The following ZBTB7C variants were observed in gnomAD, a reference collection of about 807,000 sequenced individuals.
The protein encoded by ZBTB7C is zinc finger and BTB domain-containing protein 7C.
Under a neutral mutation model 25.7 loss-of-function variants are expected in ZBTB7C, and 8 were observed. That is an observed-to-expected ratio of 0.31 (90% confidence interval 0.18 to 0.56). The LOEUF is 0.56. Among genes scored for constraint, ZBTB7C ranks in the 20% least tolerant of loss-of-function variants. ZBTB7C has a pLI of 0.91. For synonymous variants in ZBTB7C, 394 were observed against 369.0 expected, an observed-to-expected ratio of 1.07 and a Z score of -0.78; for missense variants, 824 against 855.2, an observed-to-expected ratio of 0.96 and a Z score of 0.46.
At chr18:48,295,069 C>T (rs2045348981) in intron 2 of ZBTB7C, among the ~76,000 whole-genome samples, 1 of 152,108 alleles carries the variant, frequency 6.6e-6, no homozygotes, top group African/African-American at 2.4e-5. Flanking sequence ...GTCAGTGCCA[C>T]TCAGGAAGCT....
chr18:48,152,604 G>C (rs1042239221), intron 3 of ZBTB7C, among the ~76,000 whole-genome samples: 1 of 152,202 alleles, frequency 6.6e-6, no homozygotes, highest in African/African-American at 2.4e-5. Context: ...GGAGATCATG[G>C]AGCTGGGAGG....
chr18:48,132,289 G>A (rs189739465), intron 3 of ZBTB7C, among the ~76,000 whole-genome samples: 1 of 152,200 alleles, frequency 6.6e-6, no homozygotes, highest in Non-Finnish European at 1.5e-5. Flanking sequence ...CGACTCAAAA[G>A]TGTTAGGTTA....
chr18:48,287,947 A>T (rs565348173), intron 2 of ZBTB7C, among the ~76,000 whole-genome samples: 1 of 152,230 alleles, frequency 6.6e-6, no homozygotes, highest in Admixed American at 6.5e-5. Flanking sequence ...TGCAGCTACT[A>T]TGAAACTTAA....
At chr18:48,064,582 A>AAT (rs777434803) in intron 3 of ZBTB7C, among the ~76,000 whole-genome samples, 1 of 152,106 alleles carries the variant, frequency 6.6e-6, no homozygotes, top group Non-Finnish European at 1.5e-5. Context: ...ATTTCTACAA[A>AAT]ATATACAAAA....
intron 1 of ZBTB7C, among the ~76,000 whole-genome samples, chr18:48,402,916 T>C (rs2048194261): frequency 6.6e-6 from 1 of 152,236 alleles, no homozygotes; most frequent in South Asian, 2.1e-4. Flanking sequence ...GCTAATAGTT[T>C]TTTAATTTCC....
chr18:48,040,114 C>T lies in ZBTB7C; in HGVS notation c.994G>A (p.Gly332Ser), dbSNP rs138978875. Residue 332 changes from glycine (G) to serine (S), a missense_variant, in exon 4 of 5, where the codon GGT becomes AGT. Gly to Ser is a moderately conservative substitution (Grantham distance 56). Transcript: ENST00000590800. ...LGPIKAENDY[G>S]AYLNFLSATH... Reference sequence around the variant, plus strand: ...GCACTCAGGAAGTTGAGATAGGCACCGTAGTCGTTCTCCGCCTTGATGGGT... The same window carrying T: ...GCACTCAGGAAGTTGAGATAGGCACTGTAGTCGTTCTCCGCCTTGATGGGT... 8.7e-6 allele frequency: 14 copies of T among 1,600,728 alleles called. No individual in the cohort carries two copies. The highest frequency in any genetic ancestry group is 2.2e-5 in the East Asian group (1 of 44,802).
chr18:48,031,850 CTT>C (rs988090227), intron 4 of ZBTB7C, among the ~76,000 whole-genome samples: 14 of 152,338 alleles, frequency 9.2e-5, no homozygotes, highest in African/African-American at 3.4e-4. Flanking sequence ...GTCAAGGCCT[CTT>C]TTCTCACCAC....
At chr18:48,407,740 A>T (rs1202698618) in intron 1 of ZBTB7C, among the ~76,000 whole-genome samples, 12 of 152,176 alleles carry the variant, frequency 7.9e-5, no homozygotes. Flanking sequence ...AGCAAAGGGC[A>T]TGCTTTTTGC....
chr18:48,403,257 C>T (rs1300786530), intron 1 of ZBTB7C, among the ~76,000 whole-genome samples: 1 of 152,202 alleles, frequency 6.6e-6, no homozygotes, highest in Non-Finnish European at 1.5e-5. Context: ...AGTCAGCTGC[C>T]AGAGCTCCCA....
At chr18:48,083,060 A>T (rs1181823148) in intron 3 of ZBTB7C, among the ~76,000 whole-genome samples, 2 of 152,178 alleles carry the variant, frequency 1.3e-5, no homozygotes, top group Admixed American at 1.3e-4. Flanking sequence ...ACCCGCTATG[A>T]CATTTTTCTT....
intron 1 of ZBTB7C, among the ~76,000 whole-genome samples, chr18:48,372,768 T>C (rs2047417323): frequency 6.6e-6 from 1 of 152,102 alleles, no homozygotes; most frequent in African/African-American, 2.4e-5. Flanking sequence ...TCAATAATCA[T>C]GATTCTACCC....
chr18:48,103,719 A>G (rs2038930469), intron 3 of ZBTB7C, among the ~76,000 whole-genome samples: 1 of 152,024 alleles, frequency 6.6e-6, no homozygotes, highest in Non-Finnish European at 1.5e-5. Context: ...TAAACAAAAT[A>G]TGGTAGATCC....
At chr18:48,070,217 T>C (rs1568193512) in intron 3 of ZBTB7C, among the ~76,000 whole-genome samples, 1 of 152,142 alleles carries the variant, frequency 6.6e-6, no homozygotes, top group Non-Finnish European at 1.5e-5. Flanking sequence ...TAGCAGCGAA[T>C]AAAAGTGTCA....
intron 2 of ZBTB7C, among the ~76,000 whole-genome samples, chr18:48,200,393 C>T (rs1201899782): frequency 1.3e-5 from 2 of 151,950 alleles, no homozygotes; most frequent in African/African-American, 4.8e-5. Flanking sequence ...CAGGGAAGGA[C>T]GAGGAGGGCA....
chr18:48,030,730 A>G (rs2035709278), intron 4 of ZBTB7C, among the ~76,000 whole-genome samples: 1 of 152,182 alleles, frequency 6.6e-6, no homozygotes, highest in African/African-American at 2.4e-5. Flanking sequence ...ACTTAACCTC[A>G]CTGCCCAGAG....
At position 48,027,080 on chromosome 18, in the gene ZBTB7C, CACAG is replaced by C. The variant is rs1388721736; in HGVS notation, c.*2176_*2179del. On this transcript the variant is annotated 3_prime_UTR_variant, in exon 5 of 5. Transcript: ENST00000590800. ...AATAGAAAAAATTCCAAAGTTCTCCCACAGACAGACAGGGAAATTGAAACATCAA... is the reference window on the plus strand; with the variant it reads ...AATAGAAAAAATTCCAAAGTTCTCCCACAGACAGGGAAATTGAAACATCAA... The C allele has an allele frequency of 4.1e-5, 6 of 146,102 alleles. No homozygotes were observed. The highest frequency in any genetic ancestry group is 6.0e-5 in the Non-Finnish European group (4 of 66,928). The allele number at this position is 146,102 out of a possible 1,614,324, so 9.1% of individuals were successfully genotyped here.
At chr18:48,094,415 T>C (rs2038539111) in intron 3 of ZBTB7C, among the ~76,000 whole-genome samples, 1 of 152,230 alleles carries the variant, frequency 6.6e-6, no homozygotes. Flanking sequence ...GGAAAGTAAC[T>C]GCACCTCTTG....
At chr18:48,407,362 G>A (rs1339809497) in intron 1 of ZBTB7C, among the ~76,000 whole-genome samples, 1 of 152,228 alleles carries the variant, frequency 6.6e-6, no homozygotes, top group Admixed American at 6.5e-5. Flanking sequence ...GAGGGAGCAG[G>A]AAAAGTTGGG....
chr18:48,087,952 G>A (rs2038257936), intron 3 of ZBTB7C, among the ~76,000 whole-genome samples: 2 of 151,234 alleles, frequency 1.3e-5, no homozygotes, highest in Admixed American at 1.3e-4. Flanking sequence ...TAAAGCTAGT[G>A]CTTACTTTTG....
Sources: allele counts gnomAD v4.1 joint callset (sites outside exome capture counted in the v4.1 genomes callset), GRCh38; gene constraint gnomAD v4.1.1; transcripts MANE v1.5; gene names NCBI Gene and HGNC (gene_info 2026-07-23, HGNC 2026-07-21).